Variants in BANK1 observed in about 807,000 individuals in gnomAD.
BANK1 encodes B-cell scaffold protein with ankyrin repeats.
A neutral mutation model predicts 94.5 loss-of-function variants in BANK1; 95 were observed. The ratio of observed to expected loss-of-function variants is 1.00; its 90% CI spans 0.85 to 1.19. The LOEUF is 1.19. BANK1 is among the 50% of genes most tolerant of loss of function. The pLI is 0.00. For missense variants in BANK1, 987 were observed against 932.2 expected (o/e 1.06, Z -0.77); for synonymous variants, 334 against 308.4 (o/e 1.08, Z -0.87).
intron 3 of BANK1, among the ~76,000 whole-genome samples, chr4:101,855,851 T>TG (rs36109976): frequency 6.6e-6 from 1 of 152,078 alleles, no homozygotes; most frequent in Non-Finnish European, 1.5e-5. Flanking sequence ...GAGTATAATG[T>TG]GGGGGGATGA....
intron 7 of BANK1, among the ~76,000 whole-genome samples, chr4:101,930,664 G>T (rs1723308325): frequency 6.6e-6 from 1 of 151,480 alleles, no homozygotes; most frequent in South Asian, 2.1e-4. Context: ...TAACAGCTCA[G>T]TCCTACTATC....
At chr4:102,014,730 C>T (rs1726634418) in intron 7 of BANK1, among the ~76,000 whole-genome samples, 2 of 152,030 alleles carry the variant, frequency 1.3e-5, no homozygotes, top group South Asian at 2.1e-4. Context: ...AAGGTATTTT[C>T]GACTAATTTA....
intron 5 of BANK1, among the ~76,000 whole-genome samples, chr4:101,878,107 A>C (rs1359083176): frequency 6.6e-6 from 1 of 152,212 alleles, no homozygotes; most frequent in Non-Finnish European, 1.5e-5. Flanking sequence ...CTTACTTATC[A>C]GTAAAAACCT....
At chr4:101,797,249 GAC>G (rs1379543097) in intron 1 of BANK1, among the ~76,000 whole-genome samples, 2 of 152,088 alleles carry the variant, frequency 1.3e-5, no homozygotes, top group Non-Finnish European at 2.9e-5. Context: ...GAAGAAATGA[GAC>G]ACAGAAAGAC....
chr4:101,929,463 G>A (rs1191259337), intron 7 of BANK1, among the ~76,000 whole-genome samples: 1 of 151,424 alleles, frequency 6.6e-6, no homozygotes, highest in Non-Finnish European at 1.5e-5. Flanking sequence ...TAATACTTAA[G>A]TCATTTCTAA....
intron 4 of BANK1, among the ~76,000 whole-genome samples, chr4:101,868,510 C>T (rs1728161311): frequency 6.6e-6 from 1 of 151,908 alleles, no homozygotes; most frequent in South Asian, 2.1e-4. Context: ...ATAGACAAGT[C>T]CACTATTGTA....
intron 7 of BANK1, among the ~76,000 whole-genome samples, chr4:101,962,728 A>G (rs1724612390): frequency 6.6e-6 from 1 of 152,174 alleles, no homozygotes; most frequent in South Asian, 2.1e-4. Context: ...ATTCTGCGAT[A>G]TACATTCGTT....
At chr4:101,932,500 T>C (rs1723390283) in intron 7 of BANK1, among the ~76,000 whole-genome samples, 1 of 151,480 alleles carries the variant, frequency 6.6e-6, no homozygotes, top group South Asian at 2.1e-4. Context: ...TTTTAATAAT[T>C]GGTAGTATGT....
intron 4 of BANK1, among the ~76,000 whole-genome samples, chr4:101,864,197 A>T (rs1057129434): frequency 2.0e-5 from 3 of 152,188 alleles, no homozygotes; most frequent in African/African-American, 7.2e-5. Flanking sequence ...CTTTAAATTG[A>T]TGAGAAATTT....
At chr4:101,826,672 C>T in intron 1 of BANK1, among the ~76,000 whole-genome samples, 1 of 151,928 alleles carries the variant, frequency 6.6e-6, no homozygotes, top group East Asian at 1.9e-4. Flanking sequence ...TGAGATACTA[C>T]ACTACTATAC....
intron 7 of BANK1, among the ~76,000 whole-genome samples, chr4:101,959,892 T>C (rs1724507317): frequency 6.6e-6 from 1 of 152,206 alleles, no homozygotes; most frequent in Non-Finnish European, 1.5e-5. Flanking sequence ...CTATATCCTC[T>C]GTCCCAAGTA....
At chr4:101,791,736 A>G (rs558569399) in intron 1 of BANK1, among the ~76,000 whole-genome samples, 131 of 152,344 alleles carry the variant, frequency 8.6e-4, no homozygotes, top group African/African-American at 3.0e-3. Flanking sequence ...TGCTGAATAG[A>G]AATAAATTTC....
chr4:102,040,271 T>A (rs1332129265), intron 10 of BANK1, among the ~76,000 whole-genome samples: 3 of 152,120 alleles, frequency 2.0e-5, no homozygotes, highest in African/African-American at 7.2e-5. Flanking sequence ...TAATTTTCCA[T>A]TCAATGTCAT....
Position 102,012,224 on chromosome 4 carries a change from T to G in BANK1, c.1207-9290T>G, listed in dbSNP as rs1726533801. Among the ~76,000 whole-genome samples the G allele has an allele frequency of 2.0e-5, 3 of 152,184 alleles. No homozygotes were observed. The South Asian group carries it at 6.2e-4, about 32-fold the overall frequency. On this transcript the variant is annotated intron_variant, in intron 7 of 16. Transcript: ENST00000322953. ...CCCTTATGAAGGTACATTTGTATAC[T>G]TTTATCTATCTTGACTTACTCCACA...
At chr4:101,965,566 A>G (rs1019721614) in intron 7 of BANK1, among the ~76,000 whole-genome samples, 4 of 152,074 alleles carry the variant, frequency 2.6e-5, no homozygotes, top group African/African-American at 7.2e-5. Flanking sequence ...TGGCTAAGAC[A>G]CTGAAAAAAC....
chr4:101,891,542 G>A (rs531597427), intron 5 of BANK1, among the ~76,000 whole-genome samples: 1 of 152,052 alleles, frequency 6.6e-6, no homozygotes, highest in Non-Finnish European at 1.5e-5. Flanking sequence ...AATTCAGGAA[G>A]TTTCTAGGAA....
At chr4:101,989,305 C>T (rs565764389) in intron 7 of BANK1, among the ~76,000 whole-genome samples, 2 of 151,800 alleles carry the variant, frequency 1.3e-5, no homozygotes, top group South Asian at 2.1e-4. Context: ...GTGGTGAGCA[C>T]CTGTAATCCC....
intron 11 of BANK1, among the ~76,000 whole-genome samples, chr4:102,044,448 T>G (rs1727809970): frequency 1.3e-5 from 2 of 151,798 alleles, no homozygotes; most frequent in Admixed American, 1.3e-4. Context: ...ACATTTGGGT[T>G]GGTTCCAAGT....
chr4:101,860,306 G>T (rs1458357284), intron 3 of BANK1, among the ~76,000 whole-genome samples: 2 of 152,200 alleles, frequency 1.3e-5, no homozygotes, highest in Non-Finnish European at 2.9e-5. Flanking sequence ...ATGGGCCCAT[G>T]AAGCTGGCCA....
Sources: gnomAD v4.1 joint callset for allele counts (sites outside exome capture counted in the v4.1 genomes callset) on GRCh38, gnomAD v4.1.1 for gene constraint, MANE v1.5 for transcripts, NCBI Gene and HGNC (gene_info 2026-07-23, HGNC 2026-07-21) for gene names.